SRGAP1: variants seen among roughly 807,000 people sequenced by gnomAD.
SRGAP1 encodes the protein SLIT-ROBO Rho GTPase activating protein 1.
SRGAP1 carries 43 observed loss-of-function variants against 121.9 expected under a neutral mutation model. The observed-to-expected ratio is 0.35, with a 90% CI of 0.28 to 0.46. The LOEUF (loss-of-function observed/expected upper bound fraction) is 0.46, where lower values mean the gene tolerates loss of function less well. SRGAP1 is among the 20% of genes least tolerant of loss of function. SRGAP1 has a pLI of 1.00. For synonymous variants in SRGAP1, 447 were observed against 485.4 expected (o/e 0.92, Z 1.04); for missense variants, 1,102 against 1,350.9 (o/e 0.82, Z 2.89).
chr12:64,041,845 G>C (rs901605429), intron 4 of SRGAP1, among the ~76,000 whole-genome samples: 7 of 148,002 alleles, frequency 4.7e-5, no homozygotes, highest in Non-Finnish European at 1.0e-4. Context: ...GGTTATCTTT[G>C]ATTGCTTTTT....
chr12:63,943,360 A>C (rs551731743), intron 1 of SRGAP1, among the ~76,000 whole-genome samples: 2 of 152,344 alleles, frequency 1.3e-5, no homozygotes, highest in East Asian at 3.9e-4. Flanking sequence ...AGAGTTAGTT[A>C]ATAGTAACAA....
chr12:63,941,056 C>T (rs996975454), intron 1 of SRGAP1, among the ~76,000 whole-genome samples: 3 of 151,874 alleles, frequency 2.0e-5, no homozygotes, highest in African/African-American at 7.3e-5. Context: ...TGTTTGGCAT[C>T]GTTTAGTGTT....
intron 8 of SRGAP1, among the ~76,000 whole-genome samples, chr12:64,078,467 G>A (rs2035776607): frequency 6.6e-6 from 1 of 152,192 alleles, no homozygotes; most frequent in Non-Finnish European, 1.5e-5. Flanking sequence ...CCAGTTAATG[G>A]AGAAGGAGAG....
At chr12:64,074,589 C>A (rs2035700588) in intron 8 of SRGAP1, among the ~76,000 whole-genome samples, 1 of 152,126 alleles carries the variant, frequency 6.6e-6, no homozygotes, top group Non-Finnish European at 1.5e-5. Context: ...AACACCTACT[C>A]ACCTTTTAAT....
chr12:64,010,563 C>T (rs1398460388), intron 3 of SRGAP1, among the ~76,000 whole-genome samples: 4 of 152,096 alleles, frequency 2.6e-5, no homozygotes, highest in Admixed American at 1.3e-4. Flanking sequence ...CAGTGCTGTT[C>T]ATTCAGCAGA....
At chr12:63,848,263 C>G in intron 1 of SRGAP1, among the ~76,000 whole-genome samples, 1 of 152,056 alleles carries the variant, frequency 6.6e-6, no homozygotes, top group East Asian at 1.9e-4. Flanking sequence ...GCCTCTGCCT[C>G]CACCTCCCAA....
chr12:63,921,414 C>T (rs2031037896), intron 1 of SRGAP1, among the ~76,000 whole-genome samples: 1 of 152,172 alleles, frequency 6.6e-6, no homozygotes, highest in Non-Finnish European at 1.5e-5. Flanking sequence ...AGGTTCCTGC[C>T]CATATCTCTA....
chr12:64,063,182 T>C, intron 7 of SRGAP1, 44 bp downstream of exon 7: 1 of 1,508,722 alleles, frequency 6.6e-7, no homozygotes, highest in Non-Finnish European at 9.2e-7. Context: ...GTCTCTTCAC[T>C]TATATTTCTC....
chr12:64,120,488 T>C (rs926399492), intron 18 of SRGAP1: 23 of 152,192 alleles, frequency 1.5e-4, no homozygotes, highest in African/African-American at 5.1e-4. Context: ...AGGTTTAAGA[T>C]AGGTTATTTC....
chr12:63,945,916 C>T (rs1592969191), intron 1 of SRGAP1, among the ~76,000 whole-genome samples: 1 of 151,706 alleles, frequency 6.6e-6, no homozygotes, highest in Non-Finnish European at 1.5e-5. Flanking sequence ...GCATCCTCTG[C>T]AACACCTTTC....
intron 1 of SRGAP1, among the ~76,000 whole-genome samples, chr12:63,939,817 A>T (rs74099393): frequency 0.022 from 3,361 of 152,250 alleles, 111 homozygotes; most frequent in African/African-American, 0.076. Flanking sequence ...CCATGGCTCC[A>T]AACCTTTATT....
chr12:63,948,009 T>G (rs2032104124), intron 1 of SRGAP1, among the ~76,000 whole-genome samples: 1 of 152,216 alleles, frequency 6.6e-6, no homozygotes, highest in African/African-American at 2.4e-5. Flanking sequence ...GGATTTGAAT[T>G]TTGTCAAATG....
At position 64,057,807 on chromosome 12, in the gene SRGAP1, C is replaced by T. The variant is rs1186549276; in HGVS notation, c.802-5110C>T. ...AGAAATGAAGGTAGAATAATTCTGC[C>T]GAAGAGAGTAATTCCTTTCCATTCT... On this transcript the variant is annotated intron_variant, in intron 6 of 21. Coordinates refer to ENST00000355086, the MANE Select transcript of SRGAP1 (RefSeq NM_020762.4). Among the ~76,000 whole-genome samples the T allele has an allele frequency of 5.9e-5, 9 of 152,132 alleles. No individual in the cohort carries two copies. In the East Asian group the frequency reaches 1.2e-3, roughly 20 times the overall value.
At chr12:64,120,419 A>G (rs1474324264) in intron 18 of SRGAP1, 1 of 152,224 alleles carries the variant, frequency 6.6e-6, no homozygotes, top group East Asian at 1.9e-4. Context: ...GTGCAAATTT[A>G]AACTGCAAAC....
At position 64,091,922 on chromosome 12, in the gene SRGAP1, A is replaced by G. The variant is rs890272515; in HGVS notation, c.1539+544A>G. The stretch of plus-strand genomic sequence containing the variant: ...GGACGAAGAAACTCGCACACAAGAC[A>G]TCAGGTATAGTGCTAGAGGGACGTG... On this transcript the variant is annotated intron_variant, in intron 12 of 21. Transcript: ENST00000355086. 2.6e-6 allele frequency: 4 copies of G among 1,535,708 alleles called. No homozygotes were observed. The African/African-American group carries it at 4.1e-5, about 16-fold the overall frequency.
At chr12:64,092,757 A>G (rs1487532047) in intron 12 of SRGAP1, among the ~76,000 whole-genome samples, 2 of 152,230 alleles carry the variant, frequency 1.3e-5, no homozygotes, top group Non-Finnish European at 2.9e-5. Flanking sequence ...GCAATGAGAT[A>G]TGCAGCTGAT....
At chr12:63,864,050 A>G (rs531507830) in intron 1 of SRGAP1, among the ~76,000 whole-genome samples, 4 of 152,344 alleles carry the variant, frequency 2.6e-5, no homozygotes, top group African/African-American at 9.6e-5. Flanking sequence ...GTTTCAGTTT[A>G]CTATGTCCAG....
chr12:63,889,384 C>T (rs1900500502), intron 1 of SRGAP1, among the ~76,000 whole-genome samples: 1 of 152,202 alleles, frequency 6.6e-6, no homozygotes, highest in Admixed American at 6.5e-5. Context: ...GAAGAGGCGG[C>T]AACAGCTTCT....
Position 64,142,273 on chromosome 12 carries a change from CTT to C in SRGAP1, c.2881-20_2881-19del, listed in dbSNP as rs1565699734. 6.2e-7 allele frequency: 1 copy of C among 1,605,056 alleles called. No individual in the cohort carries two copies. The highest frequency in any genetic ancestry group is 1.1e-5 in the South Asian group (1 of 90,666). On this transcript the variant is annotated intron_variant, in intron 21 of 21. Transcript: ENST00000355086. ...TTCATTATCAGTCTGTGCTTTCTCT[CTT>C]TCCGATTATTCTTCAATAGGATATT...
Sources: allele counts gnomAD v4.1 joint callset (sites outside exome capture counted in the v4.1 genomes callset), GRCh38; gene constraint gnomAD v4.1.1; transcripts MANE v1.5; gene names NCBI Gene and HGNC (gene_info 2026-07-23, HGNC 2026-07-21).